Variants in UNKL observed in about 807,000 individuals in gnomAD.
The protein encoded by UNKL is unk like zinc finger.
Under a neutral mutation model 78.0 loss-of-function variants are expected in UNKL, and 60 were observed. The observed-to-expected ratio is 0.77, with a 90% CI of 0.63 to 0.95. The LOEUF (loss-of-function observed/expected upper bound fraction) is 0.95. Ranked by LOEUF, UNKL falls within the 40% of genes least tolerant of loss-of-function variation. The probability of loss-of-function intolerance (pLI) is 0.00; values close to 1 mark genes in which losing one functional copy is unlikely to be tolerated. For missense variants in UNKL, 1,159 were observed against 1,045.7 expected (o/e 1.11, Z -1.49); for synonymous variants, 608 against 474.8 (o/e 1.28, Z -3.65).
At position 1,394,192 on chromosome 16, in the gene UNKL, G is replaced by A. The variant is rs781695835; in HGVS notation, c.876C>T (p.Asn292=). The A allele has an allele frequency of 4.4e-5, 69 of 1,550,586 alleles. No individual in the cohort carries two copies. The highest frequency in any genetic ancestry group is 3.9e-4 in the East Asian group (16 of 40,940). ...GGCAGTACCCGGTTTGGCGCATGTCGTTGCATTTTGTAGATTTGTAGATCT... is the reference window on the plus strand; with the variant it reads ...GGCAGTACCCGGTTTGGCGCATGTCATTGCATTTTGTAGATTTGTAGATCT... ...HPEIYKSTKC[N]DMRQTGYCPR... The change falls in exon 7 of 15, where the codon AAC becomes AAT. Residue 292 remains asparagine (N), a synonymous_variant. Coordinates refer to ENST00000389221, the MANE Select transcript of UNKL (RefSeq NM_001372107.1).
chr16:1,393,617 C>T (rs2037139852), intron 7 of UNKL, among the ~76,000 whole-genome samples: 1 of 152,240 alleles, frequency 6.6e-6, no homozygotes, highest in Admixed American at 6.5e-5. Context: ...GGACAGCAAA[C>T]GGGCTCTGGA....
chr16:1,414,090 G>A, intron 1 of UNKL, 35 bp from the exon 2 acceptor site: 2 of 1,519,638 alleles, frequency 1.3e-6, no homozygotes, highest in Non-Finnish European at 1.8e-6. Context: ...CTCGCTTCCG[G>A]CAGCACCTCC....
Position 1,403,152 on chromosome 16 carries a change from G to A in UNKL, c.464+16C>T, listed in dbSNP as rs369646260. On this transcript the variant is annotated intron_variant, in intron 3 of 14. Coordinates refer to ENST00000389221, the MANE Select transcript of UNKL (RefSeq NM_001372107.1). This position sits in a 1 kb window ranked among gnomAD's most constrained non-coding sequence, Gnocchi z 4.8. ...CAGCAGGCAGGCCAAGTGCCCACTCGTGGATGCCCACTCACCTGACGTCAC... is the reference window on the plus strand; with the variant it reads ...CAGCAGGCAGGCCAAGTGCCCACTCATGGATGCCCACTCACCTGACGTCAC... The A allele has an allele frequency of 3.1e-5, 50 of 1,602,234 alleles. No individual in the cohort carries two copies. The highest frequency in any genetic ancestry group is 3.5e-5 in the Non-Finnish European group (41 of 1,174,154).
At chr16:1,390,589 C>A (rs1460385872) in intron 9 of UNKL, 43 bp downstream of exon 9, 36 of 1,532,950 alleles carry the variant, frequency 2.3e-5, no homozygotes, top group Non-Finnish European at 2.5e-5. Flanking sequence ...TCAGCCCTAA[C>A]GCGACATCAG....
chr16:1,405,854 G>A (rs2032911015), intron 2 of UNKL: 1 of 441,664 alleles, frequency 2.3e-6, no homozygotes, highest in African/African-American at 2.0e-5. Flanking sequence ...AGGATAGGAG[G>A]CAGCCAGATC....
chr16:1,375,164 G>A (rs935118226), intron 10 of UNKL, among the ~76,000 whole-genome samples: 14 of 152,218 alleles, frequency 9.2e-5, no homozygotes, highest in Non-Finnish European at 1.6e-4. Flanking sequence ...CTCGTGCCGC[G>A]GTGGTGGCCC....
chr16:1,395,909 G>A (rs2037240246), intron 6 of UNKL: 1 of 393,916 alleles, frequency 2.5e-6, no homozygotes, highest in Admixed American at 2.7e-5. Context: ...GCAGCGCCTG[G>A]TCCTTCCCAG....
In UNKL at chr16:1,376,453, ACACTCCTCCTCCCTCCAGGGCTGGGGTG is replaced by A. The variant is rs369490640; in HGVS notation, c.1265-4870_1265-4843del. On this transcript the variant is annotated intron_variant, in intron 10 of 14. Transcript: ENST00000389221. ...CCTCCTCCCTCTTTCCAGGGCTGGC[ACACTCCTCCTCCCTCCAGGGCTGGGGTG>A]CACTCCTCCTCCTGGCGTCCATCCT... Among the ~76,000 whole-genome samples the A allele has an allele frequency of 9.5e-3, 1,125 of 118,776 alleles. 6 individuals are homozygous for A. Among genetic ancestry groups the A allele is most frequent in the African/African-American group, 0.033 (1,027 of 31,014 alleles). The allele number at this position is 118,776 out of a possible 152,430, so 77.9% of individuals were successfully genotyped here.
At chr16:1,370,398 G>A (rs544874639) in intron 11 of UNKL, 41 bp from the exon 12 acceptor site, 4 of 1,524,656 alleles carry the variant, frequency 2.6e-6, no homozygotes, top group Admixed American at 2.1e-5. Context: ...GTACCGCCAG[G>A]CCTCTGCCCA....
intron 1 of UNKL, among the ~76,000 whole-genome samples, 166 bp downstream of exon 1, chr16:1,414,449 G>A (rs1460308742): frequency 6.6e-6 from 1 of 151,386 alleles, no homozygotes; most frequent in Non-Finnish European, 1.5e-5. Context: ...GCCGCGCTCC[G>A]ACCTCAGGCG....
At chr16:1,391,253 C>CAA (rs1555457644) in intron 8 of UNKL, among the ~76,000 whole-genome samples, 6 of 6,130 alleles carry the variant, frequency 9.8e-4, no homozygotes, top group African/African-American at 1.6e-3. Context: ...CACACACACA[C>CAA]ACACACACAC....
intron 12 of UNKL, among the ~76,000 whole-genome samples, chr16:1,369,321 G>A (rs1001500247): frequency 6.6e-6 from 1 of 150,440 alleles, no homozygotes; most frequent in African/African-American, 2.4e-5. Context: ...GCCCACCTCG[G>A]CGCCCCAAGT....
In UNKL at chr16:1,403,479, A is replaced by AG. The variant is rs533450538; in HGVS notation, c.288-136dup. 218 of 1,135,412 alleles carry AG rather than the reference A, an allele frequency of 1.9e-4. 1 individual carries two copies. In the African/African-American group the frequency reaches 2.9e-3, roughly 15 times the overall value. The allele number at this position is 1,135,412 out of a possible 1,614,324, so 70.3% of individuals were successfully genotyped here. On this transcript the variant is annotated intron_variant, in intron 2 of 14. Transcript: ENST00000389221. The surrounding 1 kb of genome is among the most constrained non-coding windows in gnomAD (Gnocchi z 4.8). ...CTTCTTCCAGATTCCTGTTCTAATC[A>AG]GAAGGACGGACACACTGGACGCAGC...
intron 6 of UNKL, 124 bp from the exon 7 acceptor site, chr16:1,394,339 G>C (rs2037171109): frequency 1.7e-6 from 2 of 1,199,716 alleles, no homozygotes; most frequent in South Asian, 1.3e-5. Flanking sequence ...CCTGAAAAGG[G>C]GGGCGTGGGC....
At position 1,371,538 on chromosome 16, in the gene UNKL, G is replaced by A. The variant is rs1422528843; in HGVS notation, c.1338C>T (p.Gly446=). 6.5e-7 allele frequency: 1 copy of A among 1,536,056 alleles called. No homozygotes were observed. The highest frequency in any genetic ancestry group is 1.4e-5 in the African/African-American group (1 of 73,032). The change falls in exon 11 of 15, where the codon GGC becomes GGT. Residue 446 remains glycine (G), a synonymous_variant. Transcript: ENST00000389221. ...SLEKDLEEQD[G]HDLGAAGPRS... is the part of the protein sequence containing the mutation. ...CCTCACCTGCTGCTCCCAGGTCGTGGCCGTCTTGCTCTTCCAGGTCCTTCT... is the reference window on the plus strand; with the variant it reads ...CCTCACCTGCTGCTCCCAGGTCGTGACCGTCTTGCTCTTCCAGGTCCTTCT...
chr16:1,382,568 G>A (rs562485736), intron 10 of UNKL, among the ~76,000 whole-genome samples: 3 of 152,274 alleles, frequency 2.0e-5, no homozygotes, highest in South Asian at 2.1e-4. Flanking sequence ...AGGGTTCTCC[G>A]GCAGGTGCAC....
chr16:1,374,626 C>T (rs779222870), intron 10 of UNKL, among the ~76,000 whole-genome samples: 3 of 152,092 alleles, frequency 2.0e-5, no homozygotes, highest in Admixed American at 6.5e-5. Flanking sequence ...CCCACCTACC[C>T]GACATCGAGT....
intron 2 of UNKL, among the ~76,000 whole-genome samples, chr16:1,413,220 A>G: frequency 7.3e-6 from 1 of 136,640 alleles, no homozygotes; most frequent in African/African-American, 2.9e-5. Flanking sequence ...CTCCAGCCCC[A>G]GCGACAGAGC....
At chr16:1,369,761 G>C (rs1030516079) in intron 12 of UNKL, among the ~76,000 whole-genome samples, 1 of 152,204 alleles carries the variant, frequency 6.6e-6, no homozygotes, top group African/African-American at 2.4e-5. Flanking sequence ...CAGATCACGA[G>C]GTCAGGAGTT....
Sources: allele counts gnomAD v4.1 joint callset (sites outside exome capture counted in the v4.1 genomes callset), GRCh38; gene constraint gnomAD v4.1.1; non-coding constraint Gnocchi (gnomAD v3.1); transcripts MANE v1.5; gene names NCBI Gene and HGNC (gene_info 2026-07-23, HGNC 2026-07-21).